Variants in LRRC4C observed in about 807,000 individuals in gnomAD.
LRRC4C encodes the protein leucine rich repeat containing 4C.
A neutral mutation model predicts 33.6 loss-of-function variants in LRRC4C; 5 were observed. That is an observed-to-expected ratio of 0.15 (90% CI 0.08 to 0.31). The LOEUF is 0.31. Ranked by LOEUF, LRRC4C falls within the 10% of genes least tolerant of loss-of-function variation. LRRC4C has a pLI of 1.00. For missense variants in LRRC4C, 560 were observed against 796.7 expected, an observed-to-expected ratio of 0.70 and a Z score of 3.58; for synonymous variants, 329 against 302.0, an observed-to-expected ratio of 1.09 and a Z score of -0.93.
chr11:41,268,956 G>C (rs1055933517), intron 1 of LRRC4C, among the ~76,000 whole-genome samples: 2 of 151,962 alleles, frequency 1.3e-5, no homozygotes, highest in East Asian at 1.9e-4. Flanking sequence ...TCTCAACTAA[G>C]TGTGCTCTGG....
chr11:40,429,232 C>G (rs1950823428), intron 3 of LRRC4C, among the ~76,000 whole-genome samples: 1 of 152,106 alleles, frequency 6.6e-6, no homozygotes, highest in South Asian at 2.1e-4. Context: ...TGCCACCATG[C>G]CCAGCTAATT....
intron 1 of LRRC4C, among the ~76,000 whole-genome samples, chr11:41,300,490 C>T (rs1212962195): frequency 6.6e-6 from 1 of 152,158 alleles, no homozygotes; most frequent in Non-Finnish European, 1.5e-5. Flanking sequence ...GATTCTACCA[C>T]AGGTCACTGA....
chr11:40,311,377 A>G (rs1254372798), intron 4 of LRRC4C, among the ~76,000 whole-genome samples: 3 of 152,168 alleles, frequency 2.0e-5, no homozygotes, highest in African/African-American at 7.2e-5. Flanking sequence ...CCTAGTGCCT[A>G]ATTTTGTGGC....
chr11:40,898,547 A>T (rs954400323), intron 2 of LRRC4C, among the ~76,000 whole-genome samples: 1 of 151,806 alleles, frequency 6.6e-6, no homozygotes, highest in South Asian at 2.1e-4. Context: ...CTTCACAAAC[A>T]TACACACTCA....
At chr11:41,165,537 A>G (rs893692949) in intron 1 of LRRC4C, among the ~76,000 whole-genome samples, 3 of 152,134 alleles carry the variant, frequency 2.0e-5, no homozygotes, top group African/African-American at 7.2e-5. Flanking sequence ...TACCACTTCA[A>G]GACAACCTGA....
Position 41,348,899 on chromosome 11 carries a change from A to C in LRRC4C, c.-496+110532T>G, listed in dbSNP as rs1231076585. On this transcript the variant is annotated intron_variant, in intron 1 of 6. Coordinates refer to ENST00000528697, the MANE Select transcript of LRRC4C (RefSeq NM_001258419.2). ...GGAGAACTTCCCAGATAGTTAGCAG[A>C]GACAGAACTCCAGTCTGCGTGGAGC... Among the ~76,000 whole-genome samples, 5 of 152,344 alleles carry C rather than the reference A, an allele frequency of 3.3e-5. No homozygotes were observed. In the East Asian group the frequency reaches 9.7e-4, roughly 29 times the overall value.
At chr11:41,114,932 C>T (rs1393482562) in intron 1 of LRRC4C, among the ~76,000 whole-genome samples, 2 of 151,868 alleles carry the variant, frequency 1.3e-5, no homozygotes, top group Non-Finnish European at 2.9e-5. Flanking sequence ...TGAAATTATG[C>T]CTGGAATTTG....
chr11:40,226,383 T>A (rs1245496867), intron 5 of LRRC4C, among the ~76,000 whole-genome samples: 1 of 152,200 alleles, frequency 6.6e-6, no homozygotes, highest in Non-Finnish European at 1.5e-5. Context: ...CACCACAGCA[T>A]CACATTAAAC....
chr11:40,669,333 G>A (rs1356598423), intron 2 of LRRC4C, among the ~76,000 whole-genome samples: 2 of 152,128 alleles, frequency 1.3e-5, no homozygotes, highest in East Asian at 1.9e-4. Flanking sequence ...TAAAAGAAGG[G>A]AAGCAAATAT....
chr11:40,646,457 C>CA (rs1199796684), intron 3 of LRRC4C, among the ~76,000 whole-genome samples: 4 of 152,116 alleles, frequency 2.6e-5, no homozygotes, highest in African/African-American at 9.7e-5. Context: ...TCCCTTTTTA[C>CA]ATGGGTCACC....
chr11:40,183,420 C>A (rs1409465232), intron 5 of LRRC4C, among the ~76,000 whole-genome samples: 3 of 152,084 alleles, frequency 2.0e-5, no homozygotes, highest in Non-Finnish European at 4.4e-5. Flanking sequence ...AGAAACAGAC[C>A]AAATAGCTGA....
At chr11:41,305,694 G>A (rs1439505303) in intron 1 of LRRC4C, among the ~76,000 whole-genome samples, 2 of 101,308 alleles carry the variant, frequency 2.0e-5, no homozygotes, top group South Asian at 3.9e-4. Flanking sequence ...TTAAACAGAT[G>A]CTTGAAGGCA....
At chr11:41,314,350 A>C (rs961065638) in intron 1 of LRRC4C, among the ~76,000 whole-genome samples, 8 of 152,192 alleles carry the variant, frequency 5.3e-5, no homozygotes, top group African/African-American at 1.9e-4. Flanking sequence ...ATAAATGCTT[A>C]TTGATCACTT....
intron 3 of LRRC4C, among the ~76,000 whole-genome samples, chr11:40,571,940 G>A (rs1281708206): frequency 6.6e-6 from 1 of 152,102 alleles, no homozygotes; most frequent in East Asian, 1.9e-4. Context: ...ATGCTTCCTG[G>A]ATGCAGCAGA....
chr11:40,269,017 A>G (rs1310223756), intron 4 of LRRC4C, among the ~76,000 whole-genome samples: 1 of 152,208 alleles, frequency 6.6e-6, no homozygotes, highest in African/African-American at 2.4e-5. Context: ...GAAGAAGCCA[A>G]TATTGGTACT....
intron 2 of LRRC4C, among the ~76,000 whole-genome samples, chr11:40,669,553 A>G (rs915482920): frequency 3.9e-5 from 6 of 152,090 alleles, no homozygotes; most frequent in South Asian, 2.1e-4. Flanking sequence ...TCCTATTGGT[A>G]ATCTGTTCTG....
chr11:40,794,235 C>T (rs1178641721), intron 2 of LRRC4C, among the ~76,000 whole-genome samples: 1 of 151,910 alleles, frequency 6.6e-6, no homozygotes, highest in Non-Finnish European at 1.5e-5. Context: ...CAGAAAAGGA[C>T]AAGCAATACA....
intron 4 of LRRC4C, among the ~76,000 whole-genome samples, chr11:40,314,491 G>A (rs981886492): frequency 6.6e-6 from 1 of 151,960 alleles, no homozygotes; most frequent in Non-Finnish European, 1.5e-5. Context: ...AAGTATGAAC[G>A]TTCCTCAAAA....
intron 4 of LRRC4C, among the ~76,000 whole-genome samples, chr11:40,252,210 T>C (rs112207667): frequency 5.9e-5 from 9 of 152,000 alleles, no homozygotes; most frequent in Admixed American, 2.6e-4. Context: ...CTAGCACACA[T>C]ATGTATATAC....
Sources: allele counts gnomAD v4.1 joint callset (sites outside exome capture counted in the v4.1 genomes callset), GRCh38; gene constraint gnomAD v4.1.1; transcripts MANE v1.5; gene names NCBI Gene and HGNC (gene_info 2026-07-23, HGNC 2026-07-21).